SRFBP1: variants seen among roughly 807,000 people sequenced by gnomAD.
SRFBP1 encodes serum response factor binding protein 1.
A neutral mutation model predicts 45.5 loss-of-function variants in SRFBP1; 47 were observed. The observed-to-expected ratio is 1.03, with a 90% confidence interval of 0.82 to 1.32. The LOEUF is 1.32. Ranked by LOEUF, SRFBP1 falls within the 40% of genes most tolerant of loss-of-function variation. The pLI is 0.00. For synonymous variants in SRFBP1, 203 were observed against 166.3 expected (o/e 1.22, Z -1.70); for missense variants, 621 against 484.6 (o/e 1.28, Z -2.64).
chr5:122,077,534 A>G, downstream of SRFBP1: 2 of 1,613,556 alleles, frequency 1.2e-6, no homozygotes, highest in African/African-American at 1.3e-5. The surrounding 1 kb of genome is among the most constrained non-coding windows in gnomAD (Gnocchi z 4.9). Flanking sequence ...GAGCGCAGGA[A>G]CTTCTCCCGG....
chr5:122,077,625 C>G (rs955835267), downstream of SRFBP1: 1 of 1,611,492 alleles, frequency 6.2e-7, no homozygotes, highest in South Asian at 1.1e-5. This position sits in a 1 kb window ranked among gnomAD's most constrained non-coding sequence, Gnocchi z 4.9. Context: ...CAGTGACGGG[C>G]GGTGGGCCTG....
intron 2 of SRFBP1, among the ~76,000 whole-genome samples, chr5:122,051,517 A>C (rs747632785): frequency 3.6e-5 from 5 of 138,660 alleles, no homozygotes; most frequent in Non-Finnish European, 8.0e-5. Flanking sequence ...ACCCTTCTTT[A>C]TCTTTTTTTT....
chr5:122,056,281 T>C (rs186343544), intron 2 of SRFBP1, among the ~76,000 whole-genome samples: 21 of 142,390 alleles, frequency 1.5e-4, no homozygotes, highest in Non-Finnish European at 2.6e-4. Context: ...GGTTATGAAC[T>C]TACTTAGGGT....
chr5:121,962,294 G>C (rs1751964736), intron 1 of SRFBP1, among the ~76,000 whole-genome samples: 1 of 152,188 alleles, frequency 6.6e-6, no homozygotes, highest in African/African-American at 2.4e-5. Context: ...TTATGTCTGT[G>C]GGACTTTGGG....
chr5:122,068,679 GA>G (rs1204542535), intron 2 of SRFBP1, among the ~76,000 whole-genome samples: 3 of 152,020 alleles, frequency 2.0e-5, no homozygotes, highest in Non-Finnish European at 4.4e-5. Flanking sequence ...ATTAAACAAA[GA>G]AATTCATAAG....
chr5:121,975,841 A>G (rs1427268472), intron 3 of SRFBP1, among the ~76,000 whole-genome samples: 2 of 151,928 alleles, frequency 1.3e-5, no homozygotes, highest in African/African-American at 2.4e-5. Context: ...AGTAACTTCA[A>G]ATAAAATTAG....
chr5:122,028,707 T>A (rs897154001), downstream of SRFBP1: 2 of 152,186 alleles, frequency 1.3e-5, no homozygotes, highest in Non-Finnish European at 2.9e-5. Flanking sequence ...TTTTTGTACT[T>A]CTTTCTTTTA....
chr5:121,998,015 A>C (rs1279741272), intron 4 of SRFBP1, among the ~76,000 whole-genome samples: 1 of 151,942 alleles, frequency 6.6e-6, no homozygotes, highest in African/African-American at 2.4e-5. Context: ...GTCAGGAAAC[A>C]ACAGGTGCTG....
intron 3 of SRFBP1, among the ~76,000 whole-genome samples, chr5:121,980,090 G>A (rs1006971917): frequency 2.0e-5 from 3 of 152,072 alleles, no homozygotes; most frequent in Non-Finnish European, 2.9e-5. Flanking sequence ...CCTGGTAAAG[G>A]AAGTGAATAG....
intron 1 of SRFBP1, among the ~76,000 whole-genome samples, chr5:121,973,848 A>G (rs1318904505): frequency 6.6e-6 from 1 of 151,918 alleles, no homozygotes; most frequent in Non-Finnish European, 1.5e-5. Flanking sequence ...TAACGGTGGG[A>G]ATACAAAGAT....
intron 2 of SRFBP1, among the ~76,000 whole-genome samples, chr5:122,061,754 A>C (rs1336593220): frequency 6.6e-6 from 1 of 151,988 alleles, no homozygotes; most frequent in East Asian, 1.9e-4. Context: ...TTTTTCTAAA[A>C]TAGAACATGG....
downstream of SRFBP1, among the ~76,000 whole-genome samples, chr5:122,030,077 A>G (rs1445357727): frequency 1.3e-5 from 2 of 152,214 alleles, no homozygotes; most frequent in African/African-American, 2.4e-5. Flanking sequence ...AAAGAGTTCA[A>G]TATTTGTTTA....
At chr5:121,992,378 G>GT (rs1053928241) in intron 3 of SRFBP1, among the ~76,000 whole-genome samples, 2 of 151,114 alleles carry the variant, frequency 1.3e-5, no homozygotes, top group Admixed American at 6.6e-5. Context: ...CCACACTTTC[G>GT]TTTTTTTGTT....
At chr5:122,063,456 T>A (rs1405838252) in intron 2 of SRFBP1, 1 of 151,938 alleles carries the variant, frequency 6.6e-6, no homozygotes, top group East Asian at 1.9e-4. Flanking sequence ...AATTAAATGT[T>A]TATATACCAC....
intron 7 of SRFBP1, among the ~76,000 whole-genome samples, chr5:122,023,537 C>A (rs1446803014): frequency 6.6e-6 from 1 of 152,200 alleles, no homozygotes; most frequent in Non-Finnish European, 1.5e-5. Context: ...GGAAGGCACA[C>A]AACAGGTCTA....
intron 4 of SRFBP1, among the ~76,000 whole-genome samples, chr5:122,015,393 C>T (rs1307687739): frequency 2.6e-5 from 4 of 152,168 alleles, no homozygotes; most frequent in Non-Finnish European, 5.9e-5. Context: ...CATCACGGGC[C>T]TACTACACAG....
At chr5:121,987,377 A>T (rs1024565912) in intron 3 of SRFBP1, among the ~76,000 whole-genome samples, 14 of 152,284 alleles carry the variant, frequency 9.2e-5, no homozygotes, top group Admixed American at 2.6e-4. Context: ...TTGGAAAAAA[A>T]ATCTATTGGC....
At chr5:122,012,661 A>G (rs769586850) in intron 4 of SRFBP1, among the ~76,000 whole-genome samples, 1 of 152,120 alleles carries the variant, frequency 6.6e-6, no homozygotes, top group South Asian at 2.1e-4. Context: ...AGGACCAGAT[A>G]TATACTAAGG....
At chr5:122,047,838 GCT>G (rs1002692329) in intron 2 of SRFBP1, among the ~76,000 whole-genome samples, 2 of 151,532 alleles carry the variant, frequency 1.3e-5, no homozygotes, top group Non-Finnish European at 3.0e-5. Flanking sequence ...TCATGATTTG[GCT>G]CTGTTTGTCT....
Sources: allele counts gnomAD v4.1 joint callset (sites outside exome capture counted in the v4.1 genomes callset), GRCh38; gene constraint gnomAD v4.1.1; non-coding constraint Gnocchi (gnomAD v3.1); transcripts MANE v1.5; gene names NCBI Gene and HGNC (gene_info 2026-07-23, HGNC 2026-07-21).